Variants in GPR89B observed in about 807,000 individuals in gnomAD.
GPR89B encodes G protein-coupled receptor 89B.
GPR89B carries 25 observed loss-of-function variants against 52.4 expected under a neutral mutation model. The observed-to-expected ratio is 0.48, with a 90% CI of 0.35 to 0.67. The LOEUF (loss-of-function observed/expected upper bound fraction) is 0.67. Among genes scored for constraint, GPR89B ranks in the 30% least tolerant of loss-of-function variants. The pLI, the probability that GPR89B is intolerant of heterozygous loss-of-function variation, is 0.01. For missense variants in GPR89B, 146 were observed against 450.2 expected, an observed-to-expected ratio of 0.32 and a Z score of 6.11; for synonymous variants, 52 against 151.2, an observed-to-expected ratio of 0.34 and a Z score of 4.81.
intron 7 of GPR89B, among the ~76,000 whole-genome samples, chr1:147,965,538 C>A (rs1413608763): frequency 1.3e-5 from 2 of 152,034 alleles, no homozygotes; most frequent in African/African-American, 4.8e-5. Context: ...TCACTAGGAC[C>A]CTGTTGATAC....
chr1:147,994,389 A>G, downstream of GPR89B: 2 of 1,283,708 alleles, frequency 1.6e-6, no homozygotes, highest in South Asian at 2.5e-5. Context: ...TACAAATGGT[A>G]GAGTAATGAA....
chr1:147,978,308 C>T (rs1479502056), intron 10 of GPR89B, among the ~76,000 whole-genome samples: 3 of 152,038 alleles, frequency 2.0e-5, no homozygotes, highest in East Asian at 3.9e-4. Context: ...GGGTCCCTCT[C>T]GCATCTGGAG....
At chr1:148,025,301 C>T in the GPR89B span, among the ~76,000 whole-genome samples, 7 of 151,746 alleles carry the variant, frequency 4.6e-5, no homozygotes, top group Admixed American at 4.6e-4. Context: ...ATAATAGCAG[C>T]CTTGCTAACA....
At chr1:147,935,932 G>T (rs1240178196) in intron 1 of GPR89B, among the ~76,000 whole-genome samples, 2 of 151,988 alleles carry the variant, frequency 1.3e-5, no homozygotes, top group East Asian at 3.9e-4. Context: ...TTGTAGAGAC[G>T]GGTTTTCACC....
intron 7 of GPR89B, among the ~76,000 whole-genome samples, chr1:147,955,059 A>T (rs1656012319): frequency 1.3e-5 from 2 of 151,850 alleles, no homozygotes; most frequent in African/African-American, 4.9e-5. Context: ...TCATCTCTCC[A>T]TTCCTCCCAC....
At chr1:147,982,215 A>T (rs1259662285) in intron 10 of GPR89B, among the ~76,000 whole-genome samples, 1 of 150,282 alleles carries the variant, frequency 6.7e-6, no homozygotes, top group African/African-American at 2.5e-5. Flanking sequence ...ACATGCAACC[A>T]CTCCCGGCTA....
At chr1:147,947,333 CAAA>C (rs1167267658) in intron 5 of GPR89B, among the ~76,000 whole-genome samples, 1 of 73,578 alleles carries the variant, frequency 1.4e-5, no homozygotes, top group African/African-American at 4.4e-5. Flanking sequence ...GCGAGACTCT[CAAA>C]AAAAAAAAAA....
intron 5 of GPR89B, among the ~76,000 whole-genome samples, chr1:147,946,506 A>C (rs190822266): frequency 3.3e-5 from 5 of 152,202 alleles, no homozygotes; most frequent in Admixed American, 3.3e-4. Flanking sequence ...TCCTGGTAGT[A>C]TAGTTCTCAT....
Position 147,955,560 on chromosome 1 carries a change from C to T in GPR89B, c.617+1158C>T, listed in dbSNP as rs1293290873. Among the ~76,000 whole-genome samples the T allele has an allele frequency of 3.4e-4, 51 of 152,120 alleles. 1 individual carries two copies. Among genetic ancestry groups the T allele is most frequent in the Non-Finnish European group, 1.3e-4 (9 of 68,002 alleles). On this transcript the variant is annotated intron_variant, in intron 7 of 13. Transcript: ENST00000314163. ...GGTTTCCTTTTCTCAGCATCCACACCAATGTTCTTTATCTTTTGCCCCTTT... is the reference window on the plus strand; with the variant it reads ...GGTTTCCTTTTCTCAGCATCCACACTAATGTTCTTTATCTTTTGCCCCTTT...
At chr1:147,945,480 T>C (rs1295170430) in intron 5 of GPR89B, among the ~76,000 whole-genome samples, 4 of 152,236 alleles carry the variant, frequency 2.6e-5, no homozygotes, top group African/African-American at 4.8e-5. Flanking sequence ...TATGAGACTC[T>C]CCTGCAGTAA....
At chr1:147,995,501 A>G, downstream of GPR89B, 1 of 1,404,364 alleles carries the variant, frequency 7.1e-7, no homozygotes, top group Admixed American at 2.2e-5. Flanking sequence ...GTTTTAAAAA[A>G]AATCTGTGGC....
At chr1:147,953,654 G>GC (rs1392790118) in intron 6 of GPR89B, among the ~76,000 whole-genome samples, 189 bp downstream of exon 6, 149 of 36,514 alleles carry the variant, frequency 4.1e-3, no homozygotes, top group African/African-American at 0.013. Context: ...TGTACGGCTT[G>GC]CCTTTATTAT....
chr1:147,969,808 G>A (rs1657286366), intron 9 of GPR89B, 59 bp from the exon 10 acceptor site: 2 of 1,496,596 alleles, frequency 1.3e-6, no homozygotes, highest in African/African-American at 1.4e-5. Flanking sequence ...AAGAATACTT[G>A]TGTTGAATAT....
intron 10 of GPR89B, among the ~76,000 whole-genome samples, chr1:147,982,754 T>C (rs1311041357): frequency 3.0e-4 from 45 of 147,732 alleles, no homozygotes; most frequent in Admixed American, 8.9e-4. Context: ...GCCATTTTCA[T>C]GATATTGATT....
chr1:147,995,665 G>A, downstream of GPR89B: 3 of 1,609,590 alleles, frequency 1.9e-6, no homozygotes, highest in Middle Eastern at 2.3e-4. Flanking sequence ...CTGGAGGGGT[G>A]TCAAGTGGAT....
the GPR89B span, among the ~76,000 whole-genome samples, chr1:148,017,775 T>TAAAATAAA: frequency 6.6e-6 from 1 of 150,716 alleles, no homozygotes; most frequent in Non-Finnish European, 1.5e-5. Flanking sequence ...TAAAATAAAA[T>TAAAATAAA]AAAGTTAACA....
intron 5 of GPR89B, among the ~76,000 whole-genome samples, chr1:147,950,816 G>T (rs2149055521): frequency 6.6e-6 from 1 of 152,262 alleles, no homozygotes; most frequent in South Asian, 2.1e-4. Context: ...GCCTGCAATC[G>T]CAGGCACTCG....
At chr1:147,943,576 G>A in intron 4 of GPR89B, 32 bp downstream of exon 4, 1 of 1,611,460 alleles carries the variant, frequency 6.2e-7, no homozygotes, top group Non-Finnish European at 8.5e-7. Context: ...TCAGCGTATA[G>A]ATTGAGATGA....
At chr1:148,006,510 C>G in the GPR89B span, among the ~76,000 whole-genome samples, 1 of 151,900 alleles carries the variant, frequency 6.6e-6, no homozygotes, top group Non-Finnish European at 1.5e-5. Flanking sequence ...TTCCAAGACC[C>G]CCAGTGGAGG....
Sources: gnomAD v4.1 joint callset for allele counts (sites outside exome capture counted in the v4.1 genomes callset) on GRCh38, gnomAD v4.1.1 for gene constraint, MANE v1.5 for transcripts, NCBI Gene and HGNC (gene_info 2026-07-23, HGNC 2026-07-21) for gene names.